The following DTD1 variants were observed in gnomAD, a reference collection of about 807,000 sequenced individuals.
DTD1 encodes D-aminoacyl-tRNA deacylase 1.
In DTD1, 13 loss-of-function variants were observed where a neutral mutation model predicts 25.6. The ratio of observed to expected loss-of-function variants is 0.51; its 90% CI spans 0.33 to 0.81. DTD1 has a LOEUF of 0.81. DTD1 is among the 30% of genes least tolerant of loss of function. The pLI, the probability that DTD1 is intolerant of heterozygous loss-of-function variation, is 0.02. For synonymous variants in DTD1, 110 were observed against 103.6 expected (o/e 1.06, Z -0.37); for missense variants, 193 against 266.4 (o/e 0.72, Z 1.92).
In DTD1 at chr20:18,766,605, T is replaced by C. The variant is rs965040649; in HGVS notation, c.*3265T>C. On this transcript the variant is annotated 3_prime_UTR_variant, in exon 6 of 6. Transcript: ENST00000377452. ...AAAAATACAAAAAATTAGCCGGGCG[T>C]GGTGGCGGGTGCCTTAGTCCCAGCT... 1.3e-5 allele frequency: 2 copies of C among 150,246 alleles called. No individual in the cohort carries two copies. Among genetic ancestry groups the C allele is most frequent in the African/African-American group, 4.9e-5 (2 of 40,966 alleles). The allele number at this position is 150,246 out of a possible 1,614,324, so 9.3% of individuals were successfully genotyped here. A position where few individuals can be genotyped will look rare whatever the true frequency, so the allele number is the denominator to read the frequency against.
chr20:18,673,328 C>T (rs1434286530), intron 4 of DTD1, among the ~76,000 whole-genome samples: 5 of 152,170 alleles, frequency 3.3e-5, no homozygotes, highest in Non-Finnish European at 7.3e-5. Flanking sequence ...AGTCAAAACA[C>T]ATGGTAGAAT....
intron 4 of DTD1, among the ~76,000 whole-genome samples, chr20:18,707,972 A>G (rs985874270): frequency 3.4e-5 from 5 of 149,116 alleles, no homozygotes; most frequent in African/African-American, 7.5e-5. Context: ...AGTGTTTCCA[A>G]CTCTCCATGA....
chr20:18,687,667 A>G (rs1163132262), intron 4 of DTD1, among the ~76,000 whole-genome samples: 5 of 151,586 alleles, frequency 3.3e-5, no homozygotes, highest in Admixed American at 2.0e-4. Flanking sequence ...TAATCCTCCT[A>G]CCTCGGCCTC....
At chr20:18,632,023 G>A (rs2060790197) in intron 4 of DTD1, 1 of 845,876 alleles carries the variant, frequency 1.2e-6, no homozygotes. Context: ...AGTAGATTTA[G>A]GAATTCTCAG....
chr20:18,684,923 A>G (rs1456219260), intron 4 of DTD1, among the ~76,000 whole-genome samples: 1 of 150,320 alleles, frequency 6.7e-6, no homozygotes, highest in Admixed American at 6.6e-5. Flanking sequence ...TTTTTTTTTA[A>G]TTAGAGATAA....
At chr20:18,733,043 G>T (rs966963869) in intron 4 of DTD1, among the ~76,000 whole-genome samples, 4 of 152,154 alleles carry the variant, frequency 2.6e-5, no homozygotes, top group African/African-American at 9.7e-5. Context: ...AGGTATACAG[G>T]TGGTTTGTTT....
At chr20:18,672,076 G>T (rs893393673) in intron 4 of DTD1, among the ~76,000 whole-genome samples, 3 of 152,054 alleles carry the variant, frequency 2.0e-5, no homozygotes, top group Admixed American at 2.0e-4. Context: ...TCTACAGAAA[G>T]TTAAAAAATT....
chr20:18,730,821 G>A (rs1389343717), intron 4 of DTD1, among the ~76,000 whole-genome samples: 1 of 152,182 alleles, frequency 6.6e-6, no homozygotes, highest in Non-Finnish European at 1.5e-5. Context: ...TGGGAATGAT[G>A]TTATATTTTC....
chr20:18,613,338 C>T (rs2060695640), intron 3 of DTD1, among the ~76,000 whole-genome samples: 1 of 152,216 alleles, frequency 6.6e-6, no homozygotes, highest in African/African-American at 2.4e-5. Flanking sequence ...GTTTCTGCCA[C>T]AGCGTGGTAA....
intron 4 of DTD1, among the ~76,000 whole-genome samples, chr20:18,722,614 T>C (rs2061208533): frequency 1.3e-5 from 2 of 152,240 alleles, no homozygotes; most frequent in Non-Finnish European, 2.9e-5. Flanking sequence ...ATCAATTTTA[T>C]GACTAGAGTG....
intron 4 of DTD1, among the ~76,000 whole-genome samples, chr20:18,692,550 C>T (rs1252983860): frequency 6.6e-6 from 1 of 152,198 alleles, no homozygotes; most frequent in South Asian, 2.1e-4. Flanking sequence ...GGGAAGAAGA[C>T]AAATGCCTGC....
intron 5 of DTD1, among the ~76,000 whole-genome samples, chr20:18,762,841 C>G (rs1404631190): frequency 6.6e-6 from 1 of 151,788 alleles, no homozygotes; most frequent in African/African-American, 2.4e-5. Flanking sequence ...AGTTTCTGCT[C>G]CTTATTATTC....
At chr20:18,656,610 G>T (rs1319943914) in intron 4 of DTD1, among the ~76,000 whole-genome samples, 2 of 152,186 alleles carry the variant, frequency 1.3e-5, no homozygotes, top group East Asian at 3.9e-4. Context: ...TGTCTGCCTC[G>T]CTCCTCTGGT....
chr20:18,615,078 G>A (rs1278876239), intron 3 of DTD1, among the ~76,000 whole-genome samples: 2 of 152,094 alleles, frequency 1.3e-5, no homozygotes, highest in Non-Finnish European at 2.9e-5. Flanking sequence ...TCCAAGATGG[G>A]AATAGATGTG....
At position 18,607,269 on chromosome 20, in the gene DTD1, C is replaced by T. The variant is rs543960214; in HGVS notation, c.370+11028C>T. Among the ~76,000 whole-genome samples, 236 of 152,194 alleles carry T rather than the reference C, an allele frequency of 1.6e-3. 2 individuals carry two copies. Among genetic ancestry groups the T allele is most frequent in the African/African-American group, 5.5e-3 (229 of 41,530 alleles). On this transcript the variant is annotated intron_variant, in intron 3 of 5. Transcript: ENST00000377452. ...CTCTGCCTTCCGGGTTCAAACGATT[C>T]TCATACCTCAGCCTCCTGAGTAGCT...
chr20:18,646,827 A>G (rs1166946134), intron 4 of DTD1, among the ~76,000 whole-genome samples: 1 of 152,122 alleles, frequency 6.6e-6, no homozygotes, highest in Non-Finnish European at 1.5e-5. Flanking sequence ...TCCACTGGGG[A>G]CCCTTAGGAA....
intron 3 of DTD1, among the ~76,000 whole-genome samples, chr20:18,624,772 C>T (rs1417273963): frequency 1.3e-5 from 2 of 152,142 alleles, no homozygotes; most frequent in African/African-American, 4.8e-5. Flanking sequence ...TCAGGGAGCT[C>T]CTTGCCTTGG....
intron 4 of DTD1, among the ~76,000 whole-genome samples, chr20:18,701,349 T>C (rs890775281): frequency 6.6e-6 from 1 of 152,238 alleles, no homozygotes; most frequent in Non-Finnish European, 1.5e-5. Flanking sequence ...GGGGGGCATA[T>C]AGCAAATGTC....
intron 4 of DTD1, chr20:18,631,157 C>T: frequency 2.0e-6 from 2 of 985,518 alleles, no homozygotes; most frequent in Non-Finnish European, 2.4e-6. Flanking sequence ...TATCCCCCTT[C>T]TGCCACCGTG....
Sources: allele counts gnomAD v4.1 joint callset (sites outside exome capture counted in the v4.1 genomes callset), GRCh38; gene constraint gnomAD v4.1.1; transcripts MANE v1.5; gene names NCBI Gene and HGNC (gene_info 2026-07-23, HGNC 2026-07-21).